Variants in MDN1 observed in about 807,000 individuals in gnomAD.
The protein encoded by MDN1 is midasin.
In MDN1, 266 loss-of-function variants were observed where a neutral mutation model predicts 669.2. The observed-to-expected ratio is 0.40, with a 90% confidence interval of 0.36 to 0.44. MDN1 has a LOEUF of 0.44. Among genes scored for constraint, MDN1 ranks in the 20% least tolerant of loss-of-function variants. The pLI, the probability that MDN1 is intolerant of heterozygous loss-of-function variation, is 1.00. For synonymous variants in MDN1, 2,385 were observed against 2,457.1 expected (o/e 0.97, Z 0.87); for missense variants, 5,940 against 6,754.0 (o/e 0.88, Z 4.22).
Position 89,718,621 on chromosome 6 carries a change from G to C in MDN1, c.6328C>G (p.Leu2110Val), listed in dbSNP as rs566988355. The change falls in exon 43 of 102, where the codon CTT (leucine) becomes GTT (valine). Residue 2110 changes from leucine to valine, a missense_variant. Leu to Val is a conservative substitution (Grantham distance 32). This residue lies in a region of MDN1 where 2,292 missense variants were observed against 2,638.3 expected (regional missense o/e 0.87). Transcript: ENST00000369393. ...ELLGGFEQVD[L>V]IRPWRRLLEK... ...AGCAGCCTCCTCCAAGGTCGTATAA[G>C]ATCAACCTGTAATTTCCAGAGGACA... The C allele has an allele frequency of 3.1e-6, 5 of 1,613,424 alleles. No homozygotes were observed. The highest frequency in any genetic ancestry group is 4.5e-5 in the East Asian group (2 of 44,862).
At chr6:89,748,972 G>A (rs1346683277) in intron 26 of MDN1, among the ~76,000 whole-genome samples, 1 of 151,992 alleles carries the variant, frequency 6.6e-6, no homozygotes, top group East Asian at 1.9e-4. Flanking sequence ...TCAGAGATGG[G>A]AGGATCACCT....
At chr6:89,648,169 C>G in intron 98 of MDN1, 23 bp from the exon 99 acceptor site, 3 of 1,607,884 alleles carry the variant, frequency 1.9e-6, no homozygotes, top group Non-Finnish European at 2.6e-6. Flanking sequence ...AAACCAAATA[C>G]AACAGGAGTT....
chr6:89,663,426 C>T (rs1158724871), intron 85 of MDN1, among the ~76,000 whole-genome samples: 2 of 152,150 alleles, frequency 1.3e-5, no homozygotes, highest in Non-Finnish European at 2.9e-5. Flanking sequence ...TGCAAAAGGT[C>T]ATATCCTATG....
rs1185143117 is a variant in MDN1 at position 89,714,615 on chromosome 6, G to A, written c.6997C>T (p.Leu2333Phe). Residue 2333 changes from leucine (L) to phenylalanine (F), a missense_variant, in exon 46 of 102, where the codon CTT (leucine) becomes TTT (phenylalanine). By Grantham distance (22) the Leu-to-Phe change is conservative (BLOSUM62 0). Around this residue, in one of 5 missense-constraint regions of MDN1, gnomAD observed 2,292 missense variants for 2,638.3 expected, o/e 0.87. Coordinates refer to ENST00000369393, the MANE Select transcript of MDN1 (RefSeq NM_014611.3). ...CATACACTGTTCCCCACCAATCCAA[G>A]GCTGTGCAGCAGAACTTTCAAATCC... is the stretch of plus-strand genomic sequence containing the variant. ...NLDLKVLLHS[L>F]GLVGNSVCDI... 1.2e-6 allele frequency: 2 copies of A among 1,614,042 alleles called. No individual in the cohort carries two copies. The highest frequency in any genetic ancestry group is 3.3e-5 in the Admixed American group (2 of 60,004).
intron 33 of MDN1, among the ~76,000 whole-genome samples, chr6:89,737,697 G>T (rs1275310073): frequency 6.6e-6 from 1 of 150,480 alleles, no homozygotes; most frequent in East Asian, 2.0e-4. Context: ...GCCCAGGCTG[G>T]AGTACAATGG....
chr6:89,722,586 C>T (rs977092373), intron 40 of MDN1, among the ~76,000 whole-genome samples: 2 of 152,146 alleles, frequency 1.3e-5, no homozygotes, highest in African/African-American at 4.8e-5. Context: ...TGGTGGCTCA[C>T]GCCTGTAATC....
intron 1 of MDN1, among the ~76,000 whole-genome samples, chr6:89,810,418 A>G (rs1768335873): frequency 6.6e-6 from 1 of 152,196 alleles, no homozygotes; most frequent in Admixed American, 6.5e-5. Context: ...CCTGGGCAAC[A>G]GAGTGAGACT....
At position 89,749,815 on chromosome 6, in the gene MDN1, G is replaced by A; in HGVS notation, c.3407-64C>T. ...AGTACAAAGTTTTAAAATGCATTATGTACAAATCAACAAATCCTAGGTTAT... is the reference window on the plus strand; with the variant it reads ...AGTACAAAGTTTTAAAATGCATTATATACAAATCAACAAATCCTAGGTTAT... On this transcript the variant is annotated intron_variant, in intron 24 of 101. Transcript: ENST00000369393. The A allele has an allele frequency of 2.4e-6, 3 of 1,262,488 alleles. No homozygotes were observed. The African/African-American group carries it at 4.5e-5, about 19-fold the overall frequency. 78.2% of individuals were successfully genotyped at this position (1,262,488 alleles called of 1,614,324 possible).
chr6:89,683,048 G>C, intron 73 of MDN1, 84 bp downstream of exon 73: 2 of 1,360,246 alleles, frequency 1.5e-6, no homozygotes, highest in Non-Finnish European at 2.1e-6. Flanking sequence ...TTCTTGTCTA[G>C]TACTGAGGCA....
chr6:89,696,020 A>G, intron 60 of MDN1, 28 bp from the exon 61 acceptor site: 1 of 1,577,548 alleles, frequency 6.3e-7, no homozygotes, highest in Non-Finnish European at 8.6e-7. Flanking sequence ...AAGCACTGAA[A>G]GGTTTGTACT....
chr6:89,753,460 TG>T, intron 22 of MDN1, 51 bp downstream of exon 22: 1 of 1,353,016 alleles, frequency 7.4e-7, no homozygotes, highest in Non-Finnish European at 1.0e-6. Context: ...GCTGAAAATT[TG>T]GTAATTCAGC....
Position 89,716,737 on chromosome 6 carries a change from T to C in MDN1, c.6656A>G (p.His2219Arg), listed in dbSNP as rs769581986. 3 of 1,614,098 alleles carry C rather than the reference T, an allele frequency of 1.9e-6. No individual in the cohort carries two copies. Among genetic ancestry groups the C allele is most frequent in the Non-Finnish European group, 1.7e-6 (2 of 1,179,956 alleles). Residue 2219 changes from histidine (H) to arginine (R), a missense_variant, in exon 44 of 102, where the codon CAT (histidine) becomes CGT (arginine). Physicochemically the swap from His to Arg is conservative, Grantham distance 29 (BLOSUM62 0). Coordinates refer to ENST00000369393, the MANE Select transcript of MDN1 (RefSeq NM_014611.3). ...GCTGTCAACCCATTCAAATGTGCCA[T>C]GGCTATGGCCACTGGCCAACTGCGT... ...KLTQLASGHS[H>R]GTFEWVDSML...
intron 50 of MDN1, among the ~76,000 whole-genome samples, chr6:89,709,506 T>C (rs1462342200): frequency 2.0e-5 from 3 of 152,222 alleles, no homozygotes; most frequent in African/African-American, 7.2e-5. Flanking sequence ...AATCCTCTCA[T>C]AGTGGAAAGC....
At chr6:89,765,805 G>A (rs1261986021) in intron 15 of MDN1, among the ~76,000 whole-genome samples, 2 of 152,296 alleles carry the variant, frequency 1.3e-5, no homozygotes, top group Non-Finnish European at 2.9e-5. Flanking sequence ...ATAACAGTCT[G>A]TTGTCTCACA....
intron 25 of MDN1, 33 bp from the exon 26 acceptor site, chr6:89,749,402 GT>G: frequency 6.2e-7 from 1 of 1,607,092 alleles, no homozygotes. Context: ...GCAGTAAAAG[GT>G]GCCTTTTAAT....
At chr6:89,726,848 T>G (rs1044968884) in intron 37 of MDN1, among the ~76,000 whole-genome samples, 3 of 152,170 alleles carry the variant, frequency 2.0e-5, no homozygotes, top group Non-Finnish European at 4.4e-5. Context: ...TACATTAGAA[T>G]TTCAAGTGTC....
intron 1 of MDN1, chr6:89,815,058 A>G: frequency 2.1e-6 from 1 of 484,904 alleles, no homozygotes; most frequent in Non-Finnish European, 3.9e-6. Context: ...TACAAAAGGG[A>G]GAGCAGTGTC....
At chr6:89,753,758 G>A in intron 21 of MDN1, 136 bp from the exon 22 acceptor site, 2 of 754,066 alleles carry the variant, frequency 2.7e-6, no homozygotes, top group Non-Finnish European at 4.4e-6. Context: ...GTAGATAAAG[G>A]GAAGGGTAGG....
intron 15 of MDN1, among the ~76,000 whole-genome samples, chr6:89,768,741 C>CCCA (rs1376263118): frequency 6.6e-6 from 1 of 151,316 alleles, no homozygotes; most frequent in African/African-American, 2.4e-5. Context: ...TGTCCCCCCC[C>CCCA]AAAAAAAGAG....
Sources: gnomAD v4.1 joint callset for allele counts (sites outside exome capture counted in the v4.1 genomes callset) on GRCh38, gnomAD v4.1.1 for gene constraint, gnomAD v4.1.1 regional missense constraint, MANE v1.5 for transcripts, NCBI Gene and HGNC (gene_info 2026-07-23, HGNC 2026-07-21) for gene names.